The following ABTB2 variants were observed in gnomAD, a reference collection of about 807,000 sequenced individuals.
ABTB2 encodes ankyrin repeat and BTB/POZ domain-containing protein 2.
Under a neutral mutation model 104.1 loss-of-function variants are expected in ABTB2, and 56 were observed. That is an observed-to-expected ratio of 0.54 (90% CI 0.43 to 0.67). The LOEUF (loss-of-function observed/expected upper bound fraction) is 0.67. ABTB2 is among the 30% of genes least tolerant of loss of function. ABTB2 has a pLI of 0.00. For synonymous variants in ABTB2, 606 were observed against 608.2 expected, an observed-to-expected ratio of 1.00 and a Z score of 0.05; for missense variants, 1,279 against 1,407.7, an observed-to-expected ratio of 0.91 and a Z score of 1.46.
chr11:34,161,195 AC>A, intron 10 of ABTB2, 114 bp from the exon 11 acceptor site: 1 of 1,138,112 alleles, frequency 8.8e-7, no homozygotes, highest in South Asian at 1.7e-5. Flanking sequence ...TCTGCAGAGC[AC>A]CCCGCCCGCC....
rs535768546 is a variant in ABTB2, at chr11:34,357,994, G to T, written c.-411C>A. The T allele has an allele frequency of 5.7e-6, 1 of 176,578 alleles. No individual in the cohort carries two copies. Among genetic ancestry groups the T allele is most frequent in the Admixed American group, 6.2e-5 (1 of 16,074 alleles). 10.9% of individuals were successfully genotyped at this position (176,578 alleles called of 1,614,324 possible). On this transcript the variant is annotated 5_prime_UTR_variant, in exon 1 of 17. Coordinates refer to ENST00000435224, the MANE Select transcript of ABTB2 (RefSeq NM_145804.3). ...GTCCGGGACCAGCCGGCGAGAAAGCGCTCTGCAAACTTCTGCGCTGCGCCG... is the reference window on the plus strand; with the variant it reads ...GTCCGGGACCAGCCGGCGAGAAAGCTCTCTGCAAACTTCTGCGCTGCGCCG...
chr11:34,175,728 G>C (rs1032936359), intron 3 of ABTB2, among the ~76,000 whole-genome samples: 1 of 152,292 alleles, frequency 6.6e-6, no homozygotes, highest in African/African-American at 2.4e-5. Flanking sequence ...GAGGGCCACA[G>C]GCCAGTAAAG....
intron 14 of ABTB2, among the ~76,000 whole-genome samples, chr11:34,155,870 T>C (rs906712882): frequency 2.6e-5 from 4 of 152,236 alleles, no homozygotes; most frequent in Non-Finnish European, 4.4e-5. Context: ...CTCCAGATAG[T>C]GTGTGCCTTG....
At chr11:34,326,566 G>A (rs183707734) in intron 1 of ABTB2, among the ~76,000 whole-genome samples, 1 of 151,180 alleles carries the variant, frequency 6.6e-6, no homozygotes, top group Admixed American at 6.6e-5. Flanking sequence ...GGAGGCAGAG[G>A]TTGCAGTGAG....
chr11:34,297,032 G>C (rs918137795), intron 1 of ABTB2, among the ~76,000 whole-genome samples: 2 of 152,148 alleles, frequency 1.3e-5, no homozygotes, highest in Admixed American at 1.3e-4. Context: ...AACAAGTGAG[G>C]CTTTTATTTA....
At chr11:34,316,271 A>G (rs1349858143) in intron 1 of ABTB2, among the ~76,000 whole-genome samples, 6 of 152,242 alleles carry the variant, frequency 3.9e-5, no homozygotes. Flanking sequence ...TCATACGGAC[A>G]CTGCAAAAGT....
chr11:34,334,410 G>T (rs1265793469), intron 1 of ABTB2, among the ~76,000 whole-genome samples: 1 of 152,174 alleles, frequency 6.6e-6, no homozygotes, highest in Non-Finnish European at 1.5e-5. Flanking sequence ...CAATCAGAAA[G>T]GGTATGAATG....
intron 1 of ABTB2, among the ~76,000 whole-genome samples, chr11:34,282,206 T>C (rs1339757543): frequency 6.6e-6 from 1 of 152,196 alleles, no homozygotes; most frequent in African/African-American, 2.4e-5. Flanking sequence ...AAGGTCTCAC[T>C]TCCTAATATA....
chr11:34,334,260 G>A (rs1018835350), intron 1 of ABTB2, among the ~76,000 whole-genome samples: 3 of 152,102 alleles, frequency 2.0e-5, no homozygotes, highest in African/African-American at 4.8e-5. Flanking sequence ...AGACACATAC[G>A]GGAGCTCATG....
chr11:34,340,997 A>G (rs1855255441), intron 1 of ABTB2, among the ~76,000 whole-genome samples: 1 of 152,218 alleles, frequency 6.6e-6, no homozygotes. Context: ...GATGGTAGCA[A>G]TAGCACTCCC....
In ABTB2 at chr11:34,165,256, C is replaced by G. The variant is rs745905076; in HGVS notation, c.1852+4G>C. On this transcript the variant is annotated splice_donor_region_variant and intron_variant, in intron 8 of 16. Coordinates refer to ENST00000435224, the MANE Select transcript of ABTB2 (RefSeq NM_145804.3). ...GACAGAGCCTCCGGGTAGCAGGTGC[C>G]TACCTGCCGCAGAGGCCAGCTGCAG... 6 of 1,546,618 alleles carry G rather than the reference C, an allele frequency of 3.9e-6. No homozygotes were observed. Among genetic ancestry groups the G allele is most frequent in the Non-Finnish European group, 5.2e-6 (6 of 1,144,760 alleles).
At chr11:34,336,341 G>T (rs536695196) in intron 1 of ABTB2, among the ~76,000 whole-genome samples, 3 of 152,236 alleles carry the variant, frequency 2.0e-5, no homozygotes, top group African/African-American at 7.2e-5. Flanking sequence ...AAACAAATAG[G>T]TTGAGGTACT....
intron 1 of ABTB2, among the ~76,000 whole-genome samples, chr11:34,306,829 C>T (rs1057280309): frequency 1.3e-5 from 2 of 151,744 alleles, no homozygotes; most frequent in Non-Finnish European, 2.9e-5. Flanking sequence ...TAGAATTCTT[C>T]AAAGAAGTTA....
chr11:34,317,468 C>G (rs1167322613), intron 1 of ABTB2, among the ~76,000 whole-genome samples: 2 of 152,128 alleles, frequency 1.3e-5, no homozygotes, highest in Admixed American at 6.6e-5. Flanking sequence ...AAGAGAAACA[C>G]TTGGTCAACG....
chr11:34,153,727 A>C (rs1852581476), intron 16 of ABTB2, among the ~76,000 whole-genome samples: 1 of 152,216 alleles, frequency 6.6e-6, no homozygotes. Flanking sequence ...GCCATTGTCC[A>C]AGAGAGTGAT....
intron 1 of ABTB2, among the ~76,000 whole-genome samples, chr11:34,273,857 AAAT>A (rs1854350086): frequency 6.6e-6 from 1 of 152,144 alleles, no homozygotes; most frequent in African/African-American, 2.4e-5. Context: ...CCTGCCTCAA[AAAT>A]AATGATATTT....
rs1192714206 is a variant in ABTB2, at chr11:34,357,485, C to A, written c.99G>T (p.Ser33=). 1 of 1,545,250 alleles carries A rather than the reference C, an allele frequency of 6.5e-7. No individual in the cohort carries two copies. The highest frequency in any genetic ancestry group is 1.2e-5 in the South Asian group (1 of 84,048). Residue 33 remains serine, a synonymous_variant, in exon 1 of 17, where the codon TCG becomes TCT. Coordinates refer to ENST00000435224, the MANE Select transcript of ABTB2 (RefSeq NM_145804.3). ...AGDSCRSLSL[S]SSKSNSQALN... is the part of the protein sequence containing the mutation. ...GCGCCTGCGAGTTGGACTTGGAGGA[C>A]GAGAGGCTGAGCGAGCGGCACGAGT...
intron 4 of ABTB2, among the ~76,000 whole-genome samples, 185 bp from the exon 5 acceptor site, chr11:34,171,256 T>G (rs1487969524): frequency 1.3e-5 from 2 of 152,216 alleles, no homozygotes; most frequent in Non-Finnish European, 2.9e-5. Flanking sequence ...AGCACACATT[T>G]CTGCTTTTCT....
chr11:34,305,532 TA>T (rs777065729), intron 1 of ABTB2, among the ~76,000 whole-genome samples: 5 of 152,234 alleles, frequency 3.3e-5, no homozygotes, highest in Non-Finnish European at 7.3e-5. Context: ...GCACGTTGTA[TA>T]AACATTCCAC....
Sources: gnomAD v4.1 joint callset for allele counts (sites outside exome capture counted in the v4.1 genomes callset) on GRCh38, gnomAD v4.1.1 for gene constraint, MANE v1.5 for transcripts, NCBI Gene and HGNC (gene_info 2026-07-23, HGNC 2026-07-21) for gene names.